Variants in CSMD1 observed in about 807,000 individuals in gnomAD.
CSMD1 encodes CUB and sushi domain-containing protein 1.
In CSMD1, 213 loss-of-function variants were observed where a neutral mutation model predicts 417.5. That is an observed-to-expected ratio of 0.51 (90% CI 0.46 to 0.57). The LOEUF (loss-of-function observed/expected upper bound fraction) is 0.57, where lower values mean the gene tolerates loss of function less well. CSMD1 is among the 20% of genes least tolerant of loss of function. The pLI is 0.00. For synonymous variants in CSMD1, 2,862 were observed against 1,736.8 expected (o/e 1.65, Z -16.11); for missense variants, 6,923 against 4,529.7 (o/e 1.53, Z -15.17).
intron 12 of CSMD1, among the ~76,000 whole-genome samples, chr8:3,418,960 A>G (rs542617915): frequency 7.2e-4 from 109 of 152,346 alleles, no homozygotes; most frequent in African/African-American, 2.6e-3. Flanking sequence ...ACTTTCCAGA[A>G]TTAATTAGTA....
intron 5 of CSMD1, among the ~76,000 whole-genome samples, chr8:3,892,762 T>A (rs1037840870): frequency 1.3e-5 from 2 of 149,256 alleles, no homozygotes; most frequent in African/African-American, 4.9e-5. Context: ...ATGAAGTTAT[T>A]GCTAGCCATC....
chr8:3,277,994 A>C (rs1177409007), intron 26 of CSMD1, among the ~76,000 whole-genome samples: 1 of 152,188 alleles, frequency 6.6e-6, no homozygotes, highest in Non-Finnish European at 1.5e-5. Flanking sequence ...TGGGTATCTT[A>C]ATGTTTGTTG....
rs1198311995 is a variant in CSMD1, at chr8:3,484,816, C to T, written c.1448+8807G>A. On this transcript the variant is annotated intron_variant, in intron 11 of 69. Coordinates refer to ENST00000635120, the MANE Select transcript of CSMD1 (RefSeq NM_033225.6). ...AGGATGTCAGATAGTAAATAAGCAT[C>T]TGACAAAATGTTCAGTATCATTAGC... Among the ~76,000 whole-genome samples the T allele has an allele frequency of 2.6e-5, 4 of 152,164 alleles. No homozygotes were observed. The East Asian group carries it at 5.8e-4, about 22-fold the overall frequency.
rs1026914941 is a variant in CSMD1 at position 3,999,360 on chromosome 8, C to G, written c.611-1250G>C. ...TCGACCCTACCCACCCTCTCTCCAC[C>G]AAAATTATACCGAAGTGAGAGGAAA... On this transcript the variant is annotated intron_variant, in intron 4 of 69. Coordinates refer to ENST00000635120, the MANE Select transcript of CSMD1 (RefSeq NM_033225.6). Among the ~76,000 whole-genome samples the G allele has an allele frequency of 2.0e-5, 3 of 152,234 alleles. No individual in the cohort carries two copies. In the East Asian group the frequency reaches 5.8e-4, roughly 29 times the overall value.
rs117226866 is a variant in CSMD1 at position 4,232,245 on chromosome 8, C to G, written c.415+187708G>C. 8.4e-3 allele frequency among the ~76,000 whole-genome samples: 1,273 copies of G among 152,276 alleles called. 8 individuals carry two copies. Among genetic ancestry groups the G allele is most frequent in the Non-Finnish European group, 0.013 (880 of 68,030 alleles). The stretch of plus-strand genomic sequence containing the variant: ...GAGTCTCGCTCTGTCAGTCACCAGG[C>G]TGTAGTGCAGTGGCACGATCTTGGC... On this transcript the variant is annotated intron_variant, in intron 3 of 69. Transcript: ENST00000635120.
intron 46 of CSMD1, among the ~76,000 whole-genome samples, chr8:3,099,129 A>C (rs1255076972): frequency 2.6e-5 from 4 of 151,828 alleles, no homozygotes; most frequent in Admixed American, 2.0e-4. Flanking sequence ...TCTAAGCCTT[A>C]TCCAAGCGCT....
intron 18 of CSMD1, among the ~76,000 whole-genome samples, chr8:3,387,108 C>CT (rs1563335317): frequency 6.6e-6 from 1 of 152,106 alleles, no homozygotes; most frequent in Admixed American, 6.5e-5. Flanking sequence ...AAGACACGGA[C>CT]TGTAGACTGA....
At chr8:3,459,788 G>C (rs1260794158) in intron 12 of CSMD1, among the ~76,000 whole-genome samples, 2 of 152,132 alleles carry the variant, frequency 1.3e-5, no homozygotes, top group Non-Finnish European at 2.9e-5. Flanking sequence ...AATCAGAGCA[G>C]CATCAACAAC....
chr8:3,786,618 T>C (rs1038775391), intron 5 of CSMD1, among the ~76,000 whole-genome samples: 1 of 152,188 alleles, frequency 6.6e-6, no homozygotes, highest in African/African-American at 2.4e-5. Context: ...GCAAAGCAGT[T>C]GCTTAAATCT....
chr8:3,303,207 C>T (rs1471577568), intron 25 of CSMD1, among the ~76,000 whole-genome samples: 1 of 152,160 alleles, frequency 6.6e-6, no homozygotes, highest in Admixed American at 6.5e-5. Flanking sequence ...TTCTCCAACC[C>T]ATGGTCTATG....
chr8:4,453,334 G>A (rs928011952), intron 2 of CSMD1, among the ~76,000 whole-genome samples: 1 of 152,062 alleles, frequency 6.6e-6, no homozygotes, highest in Non-Finnish European at 1.5e-5. Flanking sequence ...GACTCCCACT[G>A]GGAACCAACT....
At chr8:3,660,076 G>C (rs1026108152) in intron 7 of CSMD1, among the ~76,000 whole-genome samples, 2 of 152,208 alleles carry the variant, frequency 1.3e-5, no homozygotes, top group Non-Finnish European at 1.5e-5. Context: ...GTATAAAATA[G>C]AAATAAGGTA....
intron 3 of CSMD1, among the ~76,000 whole-genome samples, chr8:4,407,454 G>C (rs978150612): frequency 6.6e-6 from 1 of 152,138 alleles, no homozygotes; most frequent in African/African-American, 2.4e-5. Flanking sequence ...TAAATCAAAA[G>C]TATGTTGTAA....
intron 25 of CSMD1, chr8:3,284,740 A>G (rs960708039): frequency 5.3e-6 from 1 of 188,500 alleles, no homozygotes; most frequent in Admixed American, 5.4e-5. Context: ...CGGTGCAGTC[A>G]GTGTTGTTCA....
At chr8:4,006,268 T>C (rs1416416046) in intron 4 of CSMD1, among the ~76,000 whole-genome samples, 2 of 152,180 alleles carry the variant, frequency 1.3e-5, no homozygotes, top group Non-Finnish European at 2.9e-5. Flanking sequence ...CACAGGATCA[T>C]GACTCTGGAA....
intron 12 of CSMD1, among the ~76,000 whole-genome samples, chr8:3,459,056 G>T (rs971623316): frequency 6.6e-6 from 1 of 152,220 alleles, no homozygotes; most frequent in Non-Finnish European, 1.5e-5. Context: ...GAAGGGAAGC[G>T]GCATGAGCGC....
intron 3 of CSMD1, among the ~76,000 whole-genome samples, chr8:4,181,607 C>G (rs186976033): frequency 6.6e-6 from 1 of 152,194 alleles, no homozygotes; most frequent in Non-Finnish European, 1.5e-5. Flanking sequence ...TGCTATAAGG[C>G]TTAAAATTCA....
intron 1 of CSMD1, among the ~76,000 whole-genome samples, chr8:4,903,408 G>A (rs1341605204): frequency 2.6e-5 from 4 of 152,132 alleles, no homozygotes; most frequent in African/African-American, 9.7e-5. Flanking sequence ...CGAAGTCCAA[G>A]CAGTTGAGTG....
At chr8:3,947,892 AGTT>A (rs1318271468) in intron 5 of CSMD1, among the ~76,000 whole-genome samples, 33 of 152,300 alleles carry the variant, frequency 2.2e-4, no homozygotes, top group African/African-American at 7.5e-4. Flanking sequence ...CTGTTCTATT[AGTT>A]AAAAGTCCTG....
Sources: allele counts gnomAD v4.1 joint callset (sites outside exome capture counted in the v4.1 genomes callset), GRCh38; gene constraint gnomAD v4.1.1; transcripts MANE v1.5; gene names NCBI Gene and HGNC (gene_info 2026-07-23, HGNC 2026-07-21).